The following RGS6 variants were observed in gnomAD, a reference collection of about 807,000 sequenced individuals.
RGS6 encodes the protein regulator of G-protein signaling 6.
RGS6 carries 30 observed loss-of-function variants against 78.5 expected under a neutral mutation model. The observed-to-expected ratio is 0.38, with a 90% CI of 0.29 to 0.52. The LOEUF (loss-of-function observed/expected upper bound fraction) is 0.52. Among genes scored for constraint, RGS6 ranks in the 20% least tolerant of loss-of-function variants. The probability of loss-of-function intolerance (pLI) is 0.85; values close to 1 mark genes in which losing one functional copy is unlikely to be tolerated. For missense variants in RGS6, 495 were observed against 609.7 expected (o/e 0.81, Z 1.98); for synonymous variants, 206 against 206.0 (o/e 1.00, Z 0.00).
chr14:71,904,368 A>T, the RGS6 span, among the ~76,000 whole-genome samples: 22 of 152,322 alleles, frequency 1.4e-4, no homozygotes, highest in South Asian at 4.1e-3. Context: ...CTCCAATTAG[A>T]GGTAGCCCTG....
chr14:72,190,590 A>G (rs2097310823), intron 2 of RGS6, among the ~76,000 whole-genome samples: 1 of 152,198 alleles, frequency 6.6e-6, no homozygotes, highest in South Asian at 2.1e-4. Context: ...CTACACCTGG[A>G]CAGAGACAGG....
chr14:72,009,155 G>A (rs929297565), intron 2 of RGS6, among the ~76,000 whole-genome samples: 1 of 152,162 alleles, frequency 6.6e-6, no homozygotes, highest in African/African-American at 2.4e-5. Context: ...GGGAGTTCAA[G>A]AACAACCTGG....
intron 3 of RGS6, among the ~76,000 whole-genome samples, chr14:72,453,203 A>AG (rs2095539373): frequency 6.6e-6 from 1 of 152,116 alleles, no homozygotes; most frequent in Admixed American, 6.5e-5. Flanking sequence ...CAGGCTGGGT[A>AG]GGGGGGAGTT....
At chr14:72,368,228 A>G (rs1005231672) in intron 3 of RGS6, among the ~76,000 whole-genome samples, 2 of 152,168 alleles carry the variant, frequency 1.3e-5, no homozygotes, top group Admixed American at 6.5e-5. Flanking sequence ...TGGGGGGTGC[A>G]AACTCAGCCT....
intron 2 of RGS6, among the ~76,000 whole-genome samples, chr14:72,199,485 C>A (rs1387913766): frequency 6.6e-6 from 1 of 152,140 alleles, no homozygotes; most frequent in African/African-American, 2.4e-5. Context: ...AGAGTCTATG[C>A]ATTATTCAAG....
intron 2 of RGS6, among the ~76,000 whole-genome samples, chr14:72,028,798 T>C (rs1015298530): frequency 6.6e-6 from 1 of 152,218 alleles, no homozygotes; most frequent in African/African-American, 2.4e-5. Flanking sequence ...CCAACACAGA[T>C]TGGCCCTCTG....
chr14:71,949,650 A>C (rs1337295155), intron 1 of RGS6, among the ~76,000 whole-genome samples: 3 of 151,962 alleles, frequency 2.0e-5, no homozygotes, highest in African/African-American at 4.8e-5. Context: ...GATGAATTGG[A>C]GATCTCACTT....
rs1489447940 is a variant in RGS6, at chr14:72,550,583, GGT to G, written c.1422+10491_1422+10492del. 7.2e-6 allele frequency: 11 copies of G among 1,535,246 alleles called. No homozygotes were observed. The African/African-American group carries it at 1.5e-4, about 21-fold the overall frequency. On this transcript the variant is annotated intron_variant, in intron 17 of 17. Coordinates refer to ENST00000553525, the MANE Select transcript of RGS6 (RefSeq NM_001204424.2). ...CCTTGTAATCTTCTGCAGCAAAAGT[GGT>G]GGGGGAATTCTGATACGTGCTCTGT...
the RGS6 span, among the ~76,000 whole-genome samples, chr14:72,625,441 C>T: frequency 6.6e-6 from 1 of 152,088 alleles, no homozygotes; most frequent in South Asian, 2.1e-4. Context: ...ATTTTTTGAA[C>T]ACTTCCTTAC....
At chr14:72,180,073 G>T (rs770448442) in intron 2 of RGS6, among the ~76,000 whole-genome samples, 32 of 152,220 alleles carry the variant, frequency 2.1e-4, no homozygotes, top group Admixed American at 3.9e-4. Flanking sequence ...ACTAATGGGA[G>T]TTTAAGAAGG....
At chr14:72,081,336 T>A (rs1229591230) in intron 2 of RGS6, among the ~76,000 whole-genome samples, 2 of 152,100 alleles carry the variant, frequency 1.3e-5, no homozygotes, top group Non-Finnish European at 2.9e-5. Flanking sequence ...GTGGAAATGC[T>A]GCATCAGCAC....
chr14:72,447,420 C>T lies in RGS6; in HGVS notation c.185-7108C>T, dbSNP rs376229453. 7.2e-5 allele frequency among the ~76,000 whole-genome samples: 11 copies of T among 152,294 alleles called. No individual in the cohort carries two copies. In the East Asian group the frequency reaches 2.1e-3, roughly 29 times the overall value. ...CTCATTTCCCCTTCTGTCCAACAAG[C>T]TGTCTATCGGAAGATCCCAGTCTAA... On this transcript the variant is annotated intron_variant, in intron 3 of 17. Coordinates refer to ENST00000553525, the MANE Select transcript of RGS6 (RefSeq NM_001204424.2).
At chr14:72,378,619 C>T (rs2085320807) in intron 3 of RGS6, among the ~76,000 whole-genome samples, 1 of 151,762 alleles carries the variant, frequency 6.6e-6, no homozygotes, top group African/African-American at 2.4e-5. Flanking sequence ...TGAACACATA[C>T]AACCTATCAA....
chr14:72,235,348 C>T (rs1008676826), intron 2 of RGS6, among the ~76,000 whole-genome samples: 14 of 152,166 alleles, frequency 9.2e-5, no homozygotes, highest in African/African-American at 2.9e-4. Context: ...CCTTGTGTCC[C>T]TACATCGTCT....
chr14:72,428,465 C>G (rs1311731611), intron 3 of RGS6, among the ~76,000 whole-genome samples: 1 of 152,054 alleles, frequency 6.6e-6, no homozygotes, highest in Non-Finnish European at 1.5e-5. Flanking sequence ...TGAGAGAGCC[C>G]TAGCAGCATT....
downstream of RGS6, among the ~76,000 whole-genome samples, chr14:72,570,226 T>C (rs2097718728): frequency 6.6e-6 from 1 of 152,212 alleles, no homozygotes; most frequent in Non-Finnish European, 1.5e-5. Flanking sequence ...ATAAGCAATC[T>C]AGAGATAATG....
At chr14:72,277,184 C>T (rs1356872748) in intron 2 of RGS6, among the ~76,000 whole-genome samples, 1 of 152,204 alleles carries the variant, frequency 6.6e-6, no homozygotes, top group East Asian at 1.9e-4. Context: ...CTTCCAGGTG[C>T]ATTCACAATA....
chr14:71,997,987 A>G (rs1471431441), intron 2 of RGS6, among the ~76,000 whole-genome samples: 1 of 152,144 alleles, frequency 6.6e-6, no homozygotes, highest in Non-Finnish European at 1.5e-5. Flanking sequence ...AAGGTTGAGG[A>G]TGTGCACCCA....
At chr14:72,094,532 A>G (rs10131981) in intron 2 of RGS6, among the ~76,000 whole-genome samples, 65,086 of 151,882 alleles carry the variant, frequency 0.43, 15,181 homozygotes, top group African/African-American at 0.62. Context: ...TAAATTTATG[A>G]AATTTATTAT....
Sources: allele counts gnomAD v4.1 joint callset (sites outside exome capture counted in the v4.1 genomes callset), GRCh38; gene constraint gnomAD v4.1.1; transcripts MANE v1.5; gene names NCBI Gene and HGNC (gene_info 2026-07-23, HGNC 2026-07-21).